The following SLC15A3 variants were observed in gnomAD, a reference collection of about 807,000 sequenced individuals.
The protein encoded by SLC15A3 is solute carrier family 15 member 3.
A neutral mutation model predicts 49.2 loss-of-function variants in SLC15A3; 39 were observed. The observed-to-expected ratio is 0.79, with a 90% confidence interval of 0.61 to 1.04. SLC15A3 has a LOEUF of 1.04. SLC15A3 is among the 50% of genes least tolerant of loss of function. The probability of loss-of-function intolerance (pLI) is 0.00; values close to 1 mark genes in which losing one functional copy is unlikely to be tolerated. For synonymous variants in SLC15A3, 339 were observed against 367.0 expected, an observed-to-expected ratio of 0.92 and a Z score of 0.87; for missense variants, 758 against 794.8, an observed-to-expected ratio of 0.95 and a Z score of 0.56.
At chr11:60,937,609 T>TA in intron 7 of SLC15A3, 5 of 702,632 alleles carry the variant, frequency 7.1e-6, no homozygotes, top group Non-Finnish European at 1.2e-5. Context: ...ATGAGAAAGG[T>TA]AACCCTTCAG....
chr11:60,944,324 G>T (rs112012525), intron 2 of SLC15A3, among the ~76,000 whole-genome samples: 1 of 151,882 alleles, frequency 6.6e-6, no homozygotes, highest in Non-Finnish European at 1.5e-5. Flanking sequence ...CACCACCTTC[G>T]CCATCATCAC....
Position 60,937,154 on chromosome 11 carries a change from A to T in SLC15A3, c.*65T>A. On this transcript the variant is annotated 3_prime_UTR_variant, in exon 8 of 8. Transcript: ENST00000227880. ...TCTAACAGAATAAACCGAGAAGGAA[A>T]CCAGAGCTGGGACTGCTGCCGTCTG... 6.4e-7 allele frequency: 1 copy of T among 1,559,040 alleles called. No homozygotes were observed. The highest frequency in any genetic ancestry group is 8.7e-7 in the Non-Finnish European group (1 of 1,152,282).
chr11:60,945,206 G>A (rs1303572736), intron 2 of SLC15A3, among the ~76,000 whole-genome samples: 6 of 152,154 alleles, frequency 3.9e-5, no homozygotes, highest in South Asian at 2.1e-4. Flanking sequence ...CTCACACGAC[G>A]CTGTGAGAAG....
rs1856706311 is a variant in SLC15A3, at chr11:60,941,361, G to A, written c.1108-71C>T. The A allele has an allele frequency of 2.7e-6, 4 of 1,491,588 alleles. No homozygotes were observed. In the East Asian group the frequency reaches 9.8e-5, roughly 37 times the overall value. 92.4% of individuals were successfully genotyped at this position (1,491,588 alleles called of 1,614,324 possible). On this transcript the variant is annotated intron_variant, in intron 4 of 7. Transcript: ENST00000227880. ...AGCCTGGCTGCAGTCAGGAGACCTG[G>A]ACTCTAGACTGGCCCTGGGTGACCC...
At chr11:60,947,287 C>G (rs1346658366) in intron 1 of SLC15A3, among the ~76,000 whole-genome samples, 1 of 152,070 alleles carries the variant, frequency 6.6e-6, no homozygotes, top group East Asian at 1.9e-4. Flanking sequence ...TCATGCCATT[C>G]TCCTGCCTCA....
chr11:60,945,807 G>A (rs778915761), intron 2 of SLC15A3, among the ~76,000 whole-genome samples: 17 of 152,186 alleles, frequency 1.1e-4, no homozygotes, highest in Non-Finnish European at 2.1e-4. Context: ...ACAGGGTAAT[G>A]TGGAATTATT....
Position 60,943,823 on chromosome 11 carries a change from C to T in SLC15A3, c.862G>A (p.Ala288Thr). 1 of 1,591,136 alleles carries T rather than the reference C, an allele frequency of 6.3e-7. No individual in the cohort carries two copies. The highest frequency in any genetic ancestry group is 8.6e-7 in the Non-Finnish European group (1 of 1,166,972). The change falls in exon 3 of 8, where the codon GCC becomes ACC. Residue 288 changes from alanine (A) to threonine (T), a missense_variant. By Grantham distance (58) the Ala-to-Thr change is moderately conservative. Transcript: ENST00000227880. The part of the protein sequence containing the change: ...QRHSARDRQC[A>T]RVLADERSPQ... ...GACCTCTCGTCGGCCAGCACGCGGGCACATTGACGGTCTCTGTGAGACCCC... is the reference window on the plus strand; with the variant it reads ...GACCTCTCGTCGGCCAGCACGCGGGTACATTGACGGTCTCTGTGAGACCCC...
intron 3 of SLC15A3, chr11:60,942,938 T>TCACACACACA (rs10536589): frequency 1.4e-5 from 2 of 146,770 alleles, no homozygotes; most frequent in African/African-American, 5.1e-5. Flanking sequence ...CACCCTCCTA[T>TCACACACACA]CACACACACA....
chr11:60,946,048 A>C (rs1309163827), intron 2 of SLC15A3, among the ~76,000 whole-genome samples: 1 of 151,600 alleles, frequency 6.6e-6, no homozygotes, highest in Non-Finnish European at 1.5e-5. Context: ...GCTGGAGTGC[A>C]GTGGCACCAT....
At position 60,952,159 on chromosome 11, in the gene SLC15A3, G is replaced by A. The variant is rs893138874; in HGVS notation, c.-608C>T. Among the ~76,000 whole-genome samples, 1 of 150,440 alleles carries A rather than the reference G, an allele frequency of 6.6e-6. No homozygotes were observed. The highest frequency in any genetic ancestry group is 2.5e-5 in the African/African-American group (1 of 40,638). On this transcript the variant is annotated 5_prime_UTR_variant, in exon 1 of 8. Transcript: ENST00000227880. Reference sequence around the variant, plus strand: ...CAGGCTCAGCCTCTGTCCCTCTCTCGGCTTCTTGAGAAACTCTGGGCTCCC... The same window carrying A: ...CAGGCTCAGCCTCTGTCCCTCTCTCAGCTTCTTGAGAAACTCTGGGCTCCC...
At chr11:60,946,407 G>A in intron 2 of SLC15A3, 125 bp downstream of exon 2, 2 of 1,127,154 alleles carry the variant, frequency 1.8e-6, no homozygotes, top group South Asian at 1.7e-5. Context: ...CTGGAGAGCA[G>A]ATCATCATAA....
Position 60,951,275 on chromosome 11 carries a change from G to T in SLC15A3, c.277C>A (p.Leu93Met). Residue 93 changes from leucine to methionine, a missense_variant, in exon 1 of 8, where the codon CTG (leucine) becomes ATG (methionine). By Grantham distance (15) the Leu-to-Met change is conservative. Around this residue, in one of 3 missense-constraint regions of SLC15A3, gnomAD observed 699 missense variants for 706.7 expected, o/e 0.99. Transcript: ENST00000227880. Reference sequence around the variant, plus strand: ...TAGCGGCCCAGGTACACGTCGGCCAGCCAGCCGCCCACGGGCGCCAGCAGG... The same window carrying T: ...TAGCGGCCCAGGTACACGTCGGCCATCCAGCCGCCCACGGGCGCCAGCAGG... ...SYLLAPVGGW[L>M]ADVYLGRYRA... The T allele has an allele frequency of 6.6e-7, 1 of 1,515,886 alleles. No homozygotes were observed. The allele number at this position is 1,515,886 out of a possible 1,614,324, so 93.9% of individuals were successfully genotyped here. A position where few individuals can be genotyped will look rare whatever the true frequency, so the allele number is the denominator to read the frequency against.
At chr11:60,949,546 A>AAGAAAG (rs1856871509) in intron 1 of SLC15A3, among the ~76,000 whole-genome samples, 2 of 78,224 alleles carry the variant, frequency 2.6e-5, no homozygotes, top group African/African-American at 5.6e-5. Flanking sequence ...GAAAGAAAGA[A>AAGAAAG]AGAAAGAAAG....
At position 60,951,181 on chromosome 11, in the gene SLC15A3, G is replaced by A; in HGVS notation, c.371C>T (p.Pro124Leu). Residue 124 changes from proline (P) to leucine (L), a missense_variant, in exon 1 of 8, where the codon CCC becomes CTC. By Grantham distance (98) the Pro-to-Leu change is moderately conservative. Transcript: ENST00000227880. ...TCCGCAGAAGGAGCTGCGGCCGTCG[G>A]GGAAGGCGGTGGCGGGCAGCAGGCC... is the stretch of plus-strand genomic sequence containing the variant. ...ASGLLPATAF[P>L]DGRSSFCGEM... The A allele has an allele frequency of 6.7e-7, 1 of 1,496,822 alleles. No homozygotes were observed. The highest frequency in any genetic ancestry group is 8.8e-7 in the Non-Finnish European group (1 of 1,131,052). 92.7% of individuals were successfully genotyped at this position (1,496,822 alleles called of 1,614,324 possible).
chr11:60,948,997 A>G (rs1253568342), intron 1 of SLC15A3, among the ~76,000 whole-genome samples: 1 of 152,198 alleles, frequency 6.6e-6, no homozygotes, highest in African/African-American at 2.4e-5. Flanking sequence ...ATTGACAAAT[A>G]TTGGGGGTCT....
At chr11:60,944,550 T>G (rs1358867806) in intron 2 of SLC15A3, among the ~76,000 whole-genome samples, 1 of 152,132 alleles carries the variant, frequency 6.6e-6, no homozygotes, top group Non-Finnish European at 1.5e-5. Flanking sequence ...CTCTGAGTCC[T>G]GAGGGAAGTA....
chr11:60,943,767 G>T lies in SLC15A3; in HGVS notation c.918C>A (p.Asp306Glu). 1 of 1,605,596 alleles carries T rather than the reference G, an allele frequency of 6.2e-7. No individual in the cohort carries two copies. The highest frequency in any genetic ancestry group is 1.7e-5 in the Admixed American group (1 of 59,054). ...TCACCAGCACCTGGAAGTTGGCGAT[G>T]TCCTCTTGCGGGGAAGCCCCTGGCT... The part of the protein sequence containing the change: ...SPQPGASPQE[D>E]IANFQVLVKI... The change falls in exon 3 of 8, where the codon GAC becomes GAA. Residue 306 changes from aspartate (D) to glutamate (E), a missense_variant. This residue lies in a region of SLC15A3 where 699 missense variants were observed against 706.7 expected (regional missense o/e 0.99). Coordinates refer to ENST00000227880, the MANE Select transcript of SLC15A3 (RefSeq NM_016582.3).
intron 2 of SLC15A3, 21 bp from the exon 3 acceptor site, chr11:60,943,857 C>A: frequency 1.3e-6 from 2 of 1,506,854 alleles, no homozygotes. Context: ...CCAGAGGCAG[C>A]AGATAAAACA....
intron 5 of SLC15A3, chr11:60,940,683 C>G (rs998128248): frequency 6.5e-6 from 1 of 153,650 alleles, no homozygotes; most frequent in Non-Finnish European, 1.4e-5. Flanking sequence ...GCTGATCCCC[C>G]CCACTGCCCC....
Sources: gnomAD v4.1 joint callset for allele counts (sites outside exome capture counted in the v4.1 genomes callset) on GRCh38, gnomAD v4.1.1 for gene constraint, gnomAD v4.1.1 regional missense constraint, MANE v1.5 for transcripts, NCBI Gene and HGNC (gene_info 2026-07-23, HGNC 2026-07-21) for gene names.